CRTC1: variants seen among roughly 807,000 people sequenced by gnomAD.
CRTC1 encodes the protein CREB regulated transcription coactivator 1, also known as CREB-regulated transcription coactivator 1.
A neutral mutation model predicts 66.1 loss-of-function variants in CRTC1; 18 were observed. That is an observed-to-expected ratio of 0.27 (90% CI 0.19 to 0.40). The LOEUF (loss-of-function observed/expected upper bound fraction) is 0.40, where lower values mean the gene tolerates loss of function less well. Ranked by LOEUF, CRTC1 falls within the 10% of genes least tolerant of loss-of-function variation. The pLI, the probability that CRTC1 is intolerant of heterozygous loss-of-function variation, is 1.00. For synonymous variants in CRTC1, 416 were observed against 398.8 expected (o/e 1.04, Z -0.51); for missense variants, 669 against 887.9 (o/e 0.75, Z 3.13).
rs540358467 is a variant in CRTC1, at chr19:18,741,400, C to G, written c.127-1510C>G. 8.5e-5 allele frequency among the ~76,000 whole-genome samples: 13 copies of G among 152,204 alleles called. No individual in the cohort carries two copies. Among genetic ancestry groups the G allele is most frequent in the Admixed American group, 2.0e-4 (3 of 15,278 alleles). On this transcript the variant is annotated intron_variant, in intron 1 of 13. Coordinates refer to ENST00000321949, the MANE Select transcript of CRTC1 (RefSeq NM_015321.3). This position sits in a 1 kb window ranked among gnomAD's most constrained non-coding sequence, Gnocchi z 4.2. ...CCCGCCTGTAGCACTCACTCTAGGT[C>G]GGGGACACAGGTCCAGGAGGGGTCA...
chr19:18,775,971 T>C (rs2054979791), intron 13 of CRTC1, 150 bp downstream of exon 13: 1 of 831,296 alleles, frequency 1.2e-6, no homozygotes, highest in East Asian at 2.8e-5. Context: ...CCACACCCCC[T>C]CTCCCCTGAA....
At chr19:18,727,595 A>AAAAAAAAAAG (rs1427991486) in intron 1 of CRTC1, among the ~76,000 whole-genome samples, 4 of 149,774 alleles carry the variant, frequency 2.7e-5, no homozygotes, top group Non-Finnish European at 5.9e-5. Context: ...AAAAAAAAAA[A>AAAAAAAAAAG]AAGAAGAAGA....
Position 18,749,762 on chromosome 19 carries a change from C to T in CRTC1, c.444-19C>T, listed in dbSNP as rs776075232. 2 of 1,607,282 alleles carry T rather than the reference C, an allele frequency of 1.2e-6. No homozygotes were observed. Among genetic ancestry groups the T allele is most frequent in the South Asian group, 2.2e-5 (2 of 90,948 alleles). Reference sequence around the variant, plus strand: ...TGCCTTGGGCTGAGGCTCATTGTCTCTTCCTCCCTCCCCACCAGGACCAAT... The same window carrying T: ...TGCCTTGGGCTGAGGCTCATTGTCTTTTCCTCCCTCCCCACCAGGACCAAT... On this transcript the variant is annotated intron_variant, in intron 4 of 13. Coordinates refer to ENST00000321949, the MANE Select transcript of CRTC1 (RefSeq NM_015321.3).
intron 1 of CRTC1, among the ~76,000 whole-genome samples, chr19:18,742,622 G>T (rs1330217191): frequency 2.0e-5 from 3 of 152,224 alleles, no homozygotes; most frequent in African/African-American, 7.2e-5. Context: ...TTCACTGACT[G>T]ACCGAATCAG....
At chr19:18,747,201 C>T (rs2054265140) in intron 4 of CRTC1, 87 bp downstream of exon 4, 1 of 1,041,690 alleles carries the variant, frequency 9.6e-7, no homozygotes, top group Non-Finnish European at 1.4e-6. Context: ...AAAAGCAGGA[C>T]ACAGTCGCTT....
chr19:18,775,061 G>A, intron 12 of CRTC1, 75 bp downstream of exon 12: 4 of 1,449,312 alleles, frequency 2.8e-6, no homozygotes, highest in Non-Finnish European at 3.8e-6. Flanking sequence ...TGGGACCCGG[G>A]CCTTGCGAGT....
intron 1 of CRTC1, among the ~76,000 whole-genome samples, chr19:18,717,811 G>A (rs1332115352): frequency 6.6e-6 from 1 of 152,118 alleles, no homozygotes; most frequent in African/African-American, 2.4e-5. Context: ...CAAGGCAGCA[G>A]TGGTTTCCAG....
At chr19:18,769,084 C>T (rs373064164) in intron 10 of CRTC1, among the ~76,000 whole-genome samples, 1 of 152,252 alleles carries the variant, frequency 6.6e-6, no homozygotes, top group East Asian at 1.9e-4. Flanking sequence ...TCTCTGGCCC[C>T]TCCCACCTGA....
At chr19:18,713,900 G>A (rs1480582873) in intron 1 of CRTC1, among the ~76,000 whole-genome samples, 1 of 152,182 alleles carries the variant, frequency 6.6e-6, no homozygotes, top group East Asian at 1.9e-4. Context: ...CTGCACCACT[G>A]GCAGCCCGCT....
rs2053941982 is a variant in CRTC1 at position 18,733,857 on chromosome 19, T to A, written c.127-9053T>A. Among the ~76,000 whole-genome samples the A allele has an allele frequency of 3.3e-5, 5 of 152,338 alleles. No individual in the cohort carries two copies. In the East Asian group the frequency reaches 5.8e-4, roughly 18 times the overall value. The stretch of plus-strand genomic sequence containing the variant: ...CTGGCTGGGCGCGGTGGCTCCTGCC[T>A]GTAATCCCAGCACTTTGGGAGGCCA... On this transcript the variant is annotated intron_variant, in intron 1 of 13. Coordinates refer to ENST00000321949, the MANE Select transcript of CRTC1 (RefSeq NM_015321.3).
chr19:18,739,569 C>T (rs1004454407), intron 1 of CRTC1, among the ~76,000 whole-genome samples: 5 of 152,194 alleles, frequency 3.3e-5, no homozygotes, highest in Admixed American at 6.5e-5. Context: ...TGCTGAGCAG[C>T]GGGTCCTGGG....
intron 1 of CRTC1, among the ~76,000 whole-genome samples, chr19:18,717,779 G>A (rs185312716): frequency 2.6e-5 from 4 of 152,066 alleles, no homozygotes; most frequent in Non-Finnish European, 5.9e-5. Context: ...CTCGCAGGAC[G>A]GTTTCTCATG....
rs1600939165 is a variant in CRTC1 at position 18,751,191 on chromosome 19, A to G, written c.538+1316A>G. Among the ~76,000 whole-genome samples, 3 of 152,282 alleles carry G rather than the reference A, an allele frequency of 2.0e-5. No homozygotes were observed. In the South Asian group the frequency reaches 6.2e-4, roughly 32 times the overall value. ...TGTGCTCATCGTGGGTCTCCCAGTT[A>G]CAAGTAAAAAAAATGAAATGTGCAA... On this transcript the variant is annotated intron_variant, in intron 5 of 13. Coordinates refer to ENST00000321949, the MANE Select transcript of CRTC1 (RefSeq NM_015321.3).
chr19:18,685,987 G>A (rs2052676012), intron 1 of CRTC1, among the ~76,000 whole-genome samples: 1 of 152,152 alleles, frequency 6.6e-6, no homozygotes, highest in African/African-American at 2.4e-5. Flanking sequence ...TGTACAGTTT[G>A]GTGGTTTTTA....
chr19:18,719,492 T>C (rs2053574906), intron 1 of CRTC1, among the ~76,000 whole-genome samples: 1 of 152,198 alleles, frequency 6.6e-6, no homozygotes, highest in Admixed American at 6.5e-5. Context: ...ACTTTTGGTG[T>C]TATGTAACTC....
At chr19:18,690,877 T>A (rs2052814024) in intron 1 of CRTC1, among the ~76,000 whole-genome samples, 1 of 151,702 alleles carries the variant, frequency 6.6e-6, no homozygotes, top group South Asian at 2.1e-4. Context: ...TACAAAAAAA[T>A]TAGCTGGGCG....
chr19:18,725,590 AGGCTGCC>A (rs1170831747), intron 1 of CRTC1, among the ~76,000 whole-genome samples: 2 of 152,178 alleles, frequency 1.3e-5, no homozygotes, highest in African/African-American at 4.8e-5. Flanking sequence ...CAGGGGCACC[AGGCTGCC>A]GGCTGGACCT....
At chr19:18,738,365 A>G (rs2054043173) in intron 1 of CRTC1, among the ~76,000 whole-genome samples, 2 of 152,174 alleles carry the variant, frequency 1.3e-5, no homozygotes, top group Non-Finnish European at 2.9e-5. Flanking sequence ...ATAAAAAGAA[A>G]AAAAATTATA....
intron 1 of CRTC1, among the ~76,000 whole-genome samples, chr19:18,710,287 G>A (rs1479101188): frequency 1.3e-5 from 2 of 152,156 alleles, no homozygotes; most frequent in African/African-American, 4.8e-5. Context: ...GCTTGTCCTG[G>A]GCCAGCAAGG....
Sources: gnomAD v4.1 joint callset for allele counts (sites outside exome capture counted in the v4.1 genomes callset) on GRCh38, gnomAD v4.1.1 for gene constraint, Gnocchi (gnomAD v3.1) non-coding constraint, MANE v1.5 for transcripts, NCBI Gene and HGNC (gene_info 2026-07-23, HGNC 2026-07-21) for gene names.